The following HS3ST3B1 variants were observed in gnomAD, a reference collection of about 807,000 sequenced individuals.
HS3ST3B1 encodes the protein heparan sulfate glucosamine 3-O-sulfotransferase 3B1.
HS3ST3B1 carries 13 observed loss-of-function variants against 21.3 expected under a neutral mutation model. The ratio of observed to expected loss-of-function variants is 0.61; its 90% confidence interval spans 0.40 to 0.97. The LOEUF is 0.97. Ranked by LOEUF, HS3ST3B1 falls within the 50% of genes least tolerant of loss-of-function variation. The pLI is 0.00. For missense variants in HS3ST3B1, 459 were observed against 554.8 expected (o/e 0.83, Z 1.73); for synonymous variants, 234 against 254.8 (o/e 0.92, Z 0.78).
intron 1 of HS3ST3B1, among the ~76,000 whole-genome samples, chr17:14,330,044 A>G (rs1909958793): frequency 6.6e-6 from 1 of 152,220 alleles, no homozygotes; most frequent in Non-Finnish European, 1.5e-5. Flanking sequence ...GAAAGATGGC[A>G]CAGAGACGTT....
At chr17:14,324,281 AAC>A (rs1449224628) in intron 1 of HS3ST3B1, among the ~76,000 whole-genome samples, 1 of 152,200 alleles carries the variant, frequency 6.6e-6, no homozygotes, top group East Asian at 1.9e-4. Flanking sequence ...TCTGTGGGTG[AAC>A]ACAGAGTGCT....
intron 1 of HS3ST3B1, among the ~76,000 whole-genome samples, chr17:14,317,048 G>A (rs774931737): frequency 5.3e-5 from 8 of 152,230 alleles, no homozygotes; most frequent in African/African-American, 1.2e-4. Flanking sequence ...AGGAGGAGGC[G>A]TTTGGCAAGG....
intron 1 of HS3ST3B1, among the ~76,000 whole-genome samples, chr17:14,336,024 G>A (rs911326506): frequency 3.9e-5 from 6 of 152,148 alleles, no homozygotes; most frequent in Non-Finnish European, 5.9e-5. Context: ...TTCAGAAAAC[G>A]TGGGGTATTT....
chr17:14,325,068 TA>T (rs1393682102), intron 1 of HS3ST3B1, among the ~76,000 whole-genome samples: 6 of 152,164 alleles, frequency 3.9e-5, no homozygotes, highest in Admixed American at 3.3e-4. Flanking sequence ...TCACAGCTTT[TA>T]AAAAAAGAAA....
At chr17:14,334,508 A>C (rs1410992004) in intron 1 of HS3ST3B1, among the ~76,000 whole-genome samples, 1 of 152,098 alleles carries the variant, frequency 6.6e-6, no homozygotes, top group African/African-American at 2.4e-5. Context: ...GTGCCAGCAC[A>C]CCAGGCTCAT....
intron 1 of HS3ST3B1, among the ~76,000 whole-genome samples, chr17:14,315,493 C>A (rs755545471): frequency 2.0e-5 from 3 of 152,176 alleles, no homozygotes; most frequent in Non-Finnish European, 2.9e-5. Context: ...CTGCAGACCA[C>A]ACTTTGAGAT....
chr17:14,301,117 G>C lies in HS3ST3B1; in HGVS notation c.-402G>C, dbSNP rs934799874. 7 of 206,984 alleles carry C rather than the reference G, an allele frequency of 3.4e-5. No homozygotes were observed. Among genetic ancestry groups the C allele is most frequent in the Non-Finnish European group, 5.7e-5 (6 of 105,196 alleles). The allele number at this position is 206,984 out of a possible 1,614,324, so 12.8% of individuals were successfully genotyped here. On this transcript the variant is annotated 5_prime_UTR_variant, in exon 1 of 2. Transcript: ENST00000360954. ...CTGCAGCCTCTGCGGGGAAGTGCCG[G>C]GGCTGCTCGAGGCTCAGTTCTTAGG...
chr17:14,301,746 C>A lies in HS3ST3B1; in HGVS notation c.228C>A (p.Ala76=). 6.3e-7 allele frequency: 1 copy of A among 1,596,686 alleles called. No individual in the cohort carries two copies. The highest frequency in any genetic ancestry group is 8.5e-7 in the Non-Finnish European group (1 of 1,173,146). The change falls in exon 1 of 2, where the codon GCC becomes GCA. Residue 76 remains alanine (A), a synonymous_variant. Coordinates refer to ENST00000360954, the MANE Select transcript of HS3ST3B1 (RefSeq NM_006041.3). ...CCCGCGCCGCACACGACCCGCCAGC[C>A]CTGGCCACAGCTCCGGACGGGACGC... ...SGSRAAHDPP[A]LATAPDGTPP...
chr17:14,310,443 A>G (rs1447790217), intron 1 of HS3ST3B1, among the ~76,000 whole-genome samples: 1 of 152,206 alleles, frequency 6.6e-6, no homozygotes, highest in Admixed American at 6.5e-5. Context: ...CGTGGTGCCA[A>G]CAACTCTTGT....
At chr17:14,320,336 A>G (rs1428412258) in intron 1 of HS3ST3B1, among the ~76,000 whole-genome samples, 1 of 152,142 alleles carries the variant, frequency 6.6e-6, no homozygotes, top group African/African-American at 2.4e-5. Flanking sequence ...TGGATGAATA[A>G]GAGTTCATGA....
At chr17:14,329,818 C>T (rs79003680) in intron 1 of HS3ST3B1, among the ~76,000 whole-genome samples, 11 of 152,168 alleles carry the variant, frequency 7.2e-5, no homozygotes, top group Non-Finnish European at 1.5e-4. Context: ...ATTTAAAAAA[C>T]GATTTTATGT....
intron 1 of HS3ST3B1, among the ~76,000 whole-genome samples, chr17:14,310,326 G>T (rs942318901): frequency 6.6e-6 from 1 of 152,006 alleles, no homozygotes; most frequent in Non-Finnish European, 1.5e-5. Context: ...CCCTGTAGCC[G>T]CCCCTACCCA....
intron 1 of HS3ST3B1, among the ~76,000 whole-genome samples, chr17:14,338,972 C>T (rs1910284387): frequency 6.6e-6 from 1 of 152,142 alleles, no homozygotes; most frequent in South Asian, 2.1e-4. Flanking sequence ...ACCCTGTGTT[C>T]ATGTGGGCAC....
intron 1 of HS3ST3B1, among the ~76,000 whole-genome samples, chr17:14,330,049 G>C (rs1398839049): frequency 6.6e-6 from 1 of 152,220 alleles, no homozygotes; most frequent in African/African-American, 2.4e-5. Context: ...ATGGCACAGA[G>C]ACGTTGTGCA....
intron 1 of HS3ST3B1, among the ~76,000 whole-genome samples, chr17:14,321,080 A>G (rs1055471651): frequency 2.0e-5 from 3 of 152,248 alleles, no homozygotes; most frequent in African/African-American, 7.2e-5. Context: ...CAAAAGAGAA[A>G]GTGTAAAGGA....
At chr17:14,315,232 C>A (rs1909459308) in intron 1 of HS3ST3B1, among the ~76,000 whole-genome samples, 1 of 152,140 alleles carries the variant, frequency 6.6e-6, no homozygotes, top group African/African-American at 2.4e-5. Flanking sequence ...AACCAGTTCT[C>A]AGCCAACTCT....
rs191610559 is a variant in HS3ST3B1 at position 14,301,869 on chromosome 17, G to A, written c.351G>A (p.Glu117=). ...GAASPEEQSP[E]VPDSPSPISS... ...CGAGCCCGGAGGAGCAGAGTCCCGAGGTGCCGGACTCCCCAAGCCCCATCT... is the reference window on the plus strand; with the variant it reads ...CGAGCCCGGAGGAGCAGAGTCCCGAAGTGCCGGACTCCCCAAGCCCCATCT... Residue 117 remains glutamate (E), a synonymous_variant, in exon 1 of 2, where the codon GAG becomes GAA. Transcript: ENST00000360954. 362 of 1,603,056 alleles carry A rather than the reference G, an allele frequency of 2.3e-4. 2 individuals are homozygous for A. In the African/African-American group the frequency reaches 3.6e-3, roughly 16 times the overall value.
chr17:14,301,451 C>G lies in HS3ST3B1; in HGVS notation c.-68C>G. On this transcript the variant is annotated 5_prime_UTR_variant, in exon 1 of 2. Transcript: ENST00000360954. ...CCAGCGTGCCGGGGAACCCTCTCTG[C>G]GCTCACTGCCCGGCGGGACCCACGC... 1.5e-6 allele frequency: 2 copies of G among 1,337,838 alleles called. No homozygotes were observed. Among genetic ancestry groups the G allele is most frequent in the Non-Finnish European group, 9.7e-7 (1 of 1,034,482 alleles). 82.9% of individuals were successfully genotyped at this position (1,337,838 alleles called of 1,614,324 possible). A position where few individuals can be genotyped will look rare whatever the true frequency, so the allele number is the denominator to read the frequency against.
intron 1 of HS3ST3B1, among the ~76,000 whole-genome samples, chr17:14,332,548 G>A (rs1225401132): frequency 1.3e-5 from 2 of 151,992 alleles, no homozygotes; most frequent in Non-Finnish European, 2.9e-5. Context: ...CACCTGAGTA[G>A]GTGGAATGGA....
Sources: gnomAD v4.1 joint callset for allele counts (sites outside exome capture counted in the v4.1 genomes callset) on GRCh38, gnomAD v4.1.1 for gene constraint, MANE v1.5 for transcripts, NCBI Gene and HGNC (gene_info 2026-07-23, HGNC 2026-07-21) for gene names.